Variants in KSR1 observed in about 807,000 individuals in gnomAD.
KSR1 encodes kinase suppressor of ras.
A neutral mutation model predicts 92.9 loss-of-function variants in KSR1; 35 were observed. That is an observed-to-expected ratio of 0.38 (90% confidence interval 0.29 to 0.50). The LOEUF (loss-of-function observed/expected upper bound fraction) is 0.50, where lower values mean the gene tolerates loss of function less well. Ranked by LOEUF, KSR1 falls within the 20% of genes least tolerant of loss-of-function variation. The pLI is 0.94. For missense variants in KSR1, 972 were observed against 1,158.5 expected, an observed-to-expected ratio of 0.84 and a Z score of 2.34; for synonymous variants, 467 against 472.6, an observed-to-expected ratio of 0.99 and a Z score of 0.15.
chr17:27,491,382 G>A (rs1269202006), intron 1 of KSR1, among the ~76,000 whole-genome samples: 1 of 150,864 alleles, frequency 6.6e-6, no homozygotes, highest in Non-Finnish European at 1.5e-5. Context: ...GGGGTGGAAT[G>A]TCTCGCTTTC....
At chr17:27,560,023 G>T (rs1389677735) in intron 2 of KSR1, among the ~76,000 whole-genome samples, 6 of 152,232 alleles carry the variant, frequency 3.9e-5, no homozygotes, top group Non-Finnish European at 8.8e-5. Context: ...TTCACATGGG[G>T]ATGGGCTGAG....
rs1184038427 is a variant in KSR1, at chr17:27,459,408, G to T, written c.231+2534G>T. On this transcript the variant is annotated intron_variant, in intron 1 of 20. Coordinates refer to ENST00000644974, the MANE Select transcript of KSR1 (RefSeq NM_001394583.1). The surrounding 1 kb of genome is among the most constrained non-coding windows in gnomAD (Gnocchi z 4.6). ...GGGTTCAGTAAATCTGGATTTTAGG[G>T]AAAGGTACTTCTGCAGCTGCCTCTC... is the stretch of plus-strand genomic sequence containing the variant. Among the ~76,000 whole-genome samples, 1 of 152,244 alleles carries T rather than the reference G, an allele frequency of 6.6e-6. No homozygotes were observed. Among genetic ancestry groups the T allele is most frequent in the Non-Finnish European group, 1.5e-5 (1 of 68,044 alleles).
chr17:27,602,229 T>A (rs989918825), intron 11 of KSR1, among the ~76,000 whole-genome samples: 10 of 152,024 alleles, frequency 6.6e-5, no homozygotes, highest in African/African-American at 1.9e-4. Context: ...CATCTGTGAG[T>A]CCTTAGAGGA....
chr17:27,575,567 C>A (rs1374288931), intron 2 of KSR1, among the ~76,000 whole-genome samples: 1 of 152,128 alleles, frequency 6.6e-6, no homozygotes, highest in Admixed American at 6.5e-5. Flanking sequence ...CCTTCTCTCT[C>A]ACCCTATGAT....
At chr17:27,546,666 G>A (rs1002457313) in intron 1 of KSR1, among the ~76,000 whole-genome samples, 5 of 152,202 alleles carry the variant, frequency 3.3e-5, no homozygotes, top group African/African-American at 1.2e-4. Flanking sequence ...AGGGCCAGGG[G>A]CTATGGAACG....
chr17:27,572,763 T>G (rs560126284), intron 2 of KSR1, among the ~76,000 whole-genome samples: 2 of 152,354 alleles, frequency 1.3e-5, no homozygotes, highest in East Asian at 3.9e-4. Flanking sequence ...CAGACTTGGC[T>G]GTGCCTGTCA....
rs1055777491 is a variant in KSR1 at position 27,534,553 on chromosome 17, T to G, written c.232-16015T>G. 1.3e-5 allele frequency among the ~76,000 whole-genome samples: 2 copies of G among 152,218 alleles called. 1 individual carries two copies. The highest frequency in any genetic ancestry group is 1.3e-4 in the Admixed American group (2 of 15,286). On this transcript the variant is annotated intron_variant, in intron 1 of 20. Coordinates refer to ENST00000644974, the MANE Select transcript of KSR1 (RefSeq NM_001394583.1). ...AGCTAGTCAGTGGCCGAGCTGGGAT[T>G]TGAACCCGGGTCTGTTGGCCTCTAG...
chr17:27,617,720 GT>G (rs2074104077), intron 19 of KSR1: 1 of 366,260 alleles, frequency 2.7e-6, no homozygotes, highest in South Asian at 2.3e-5. Flanking sequence ...TAGAGACGGG[GT>G]TTCATCATAT....
intron 19 of KSR1, 129 bp downstream of exon 19, chr17:27,617,557 C>T (rs952940895): frequency 2.1e-5 from 24 of 1,144,910 alleles, no homozygotes; most frequent in Non-Finnish European, 2.8e-5. Context: ...GACAGAGTCT[C>T]GCTCTTGTCA....
chr17:27,491,961 C>G (rs748395753), intron 1 of KSR1, among the ~76,000 whole-genome samples: 6 of 152,196 alleles, frequency 3.9e-5, no homozygotes, highest in Non-Finnish European at 5.9e-5. Context: ...CAGCGCCTGC[C>G]TCCCTCCCAT....
At chr17:27,606,136 G>C (rs537449102) in intron 14 of KSR1, among the ~76,000 whole-genome samples, 1 of 152,180 alleles carries the variant, frequency 6.6e-6, no homozygotes, top group East Asian at 1.9e-4. Context: ...AGCTGGGCCT[G>C]GTGGCAGGTG....
At chr17:27,505,135 C>A (rs1337526000) in intron 1 of KSR1, among the ~76,000 whole-genome samples, 2 of 152,200 alleles carry the variant, frequency 1.3e-5, no homozygotes, top group Non-Finnish European at 2.9e-5. Context: ...GAATCAGTAC[C>A]TGCTGACTAT....
At chr17:27,622,942 C>A (rs1382192616) in intron 20 of KSR1, 1 of 271,690 alleles carries the variant, frequency 3.7e-6, no homozygotes, top group Non-Finnish European at 6.9e-6. Context: ...AAGGAACATG[C>A]CCTGTCACTC....
At chr17:27,617,168 G>A (rs1438779683) in intron 18 of KSR1, 127 bp from the exon 19 acceptor site, 3 of 984,462 alleles carry the variant, frequency 3.0e-6, no homozygotes, top group African/African-American at 3.3e-5. Flanking sequence ...TGTCGGCAGG[G>A]TGTTCAGGGG....
At chr17:27,546,688 C>T (rs973001128) in intron 1 of KSR1, among the ~76,000 whole-genome samples, 7 of 152,082 alleles carry the variant, frequency 4.6e-5, no homozygotes, top group African/African-American at 1.2e-4. Flanking sequence ...AGCTGGGGGG[C>T]TGGGGGAAGT....
Position 27,590,057 on chromosome 17 carries a change from A to C in KSR1, c.1047-754A>C, listed in dbSNP as rs145307134. On this transcript the variant is annotated intron_variant, in intron 6 of 20. Transcript: ENST00000644974. ...GCAAAATGCACAAGTGTGTGTGTGT[A>C]TGTGAATTTATGTATTCATACACAC... Among the ~76,000 whole-genome samples, 4 of 152,352 alleles carry C rather than the reference A, an allele frequency of 2.6e-5. No homozygotes were observed. In the East Asian group the frequency reaches 7.7e-4, roughly 29 times the overall value.
chr17:27,583,736 A>ATGT (rs2072866215), intron 4 of KSR1, among the ~76,000 whole-genome samples: 1 of 152,258 alleles, frequency 6.6e-6, no homozygotes, highest in Admixed American at 6.5e-5. Flanking sequence ...TATCTCTGAG[A>ATGT]ACATCATGTC....
intron 13 of KSR1, among the ~76,000 whole-genome samples, chr17:27,605,105 A>C (rs1004366184): frequency 6.6e-6 from 1 of 152,228 alleles, no homozygotes; most frequent in Non-Finnish European, 1.5e-5. Context: ...TTCCAGAAGG[A>C]TGGATGCAGT....
At chr17:27,575,587 C>T (rs2072474141) in intron 2 of KSR1, among the ~76,000 whole-genome samples, 1 of 152,130 alleles carries the variant, frequency 6.6e-6, no homozygotes, top group Non-Finnish European at 1.5e-5. Context: ...TTAAGAATGC[C>T]TGACTTCCTG....
Sources: allele counts gnomAD v4.1 joint callset (sites outside exome capture counted in the v4.1 genomes callset), GRCh38; gene constraint gnomAD v4.1.1; non-coding constraint Gnocchi (gnomAD v3.1); transcripts MANE v1.5; gene names NCBI Gene and HGNC (gene_info 2026-07-23, HGNC 2026-07-21).